Variants in PCDHGA7 observed in about 807,000 individuals in gnomAD.
PCDHGA7 encodes protocadherin gamma subfamily A, 7.
A neutral mutation model predicts 58.3 loss-of-function variants in PCDHGA7; 44 were observed. That is an observed-to-expected ratio of 0.75 (90% CI 0.59 to 0.97). PCDHGA7 has a LOEUF of 0.97. Among genes scored for constraint, PCDHGA7 ranks in the 50% least tolerant of loss-of-function variants. The probability of loss-of-function intolerance (pLI) is 0.00; values close to 1 mark genes in which losing one functional copy is unlikely to be tolerated. For synonymous variants in PCDHGA7, 516 were observed against 504.2 expected (o/e 1.02, Z -0.31); for missense variants, 1,266 against 1,188.7 (o/e 1.06, Z -0.96).
At position 141,493,666 on chromosome 5, in the gene PCDHGA7, C is replaced by T. The variant is rs1475584876; in HGVS notation, c.2425-1141C>T. On this transcript the variant is annotated intron_variant, in intron 1 of 3. Transcript: ENST00000518325. The surrounding 1 kb of genome is among the most constrained non-coding windows in gnomAD (Gnocchi z 4.3). ...GCCATCCCTGTGCCCTTCTCCATGG[C>T]AGCCCCAGAATGGTGCTGGTGACTC... 6.6e-6 allele frequency among the ~76,000 whole-genome samples: 1 copy of T among 152,176 alleles called. No individual in the cohort carries two copies. The highest frequency in any genetic ancestry group is 1.5e-5 in the Non-Finnish European group (1 of 68,028).
chr5:141,392,946 G>A, intron 1 of PCDHGA7: 2 of 1,613,940 alleles, frequency 1.2e-6, no homozygotes, highest in Non-Finnish European at 1.7e-6. Context: ...AGGCTCCTTC[G>A]TGGGTAATAT....
rs146615755 is a variant in PCDHGA7 at position 141,486,022 on chromosome 5, T to C, written c.2425-8785T>C. The C allele has an allele frequency of 1.2e-6, 2 of 1,614,030 alleles. No homozygotes were observed. Among genetic ancestry groups the C allele is most frequent in the Non-Finnish European group, 1.7e-6 (2 of 1,180,036 alleles). Reference sequence around the variant, plus strand: ...GTAACGTCACCTTTTATTTCAGTGGTCATACCCCTGATCGTGTAAGAAACC... The same window carrying C: ...GTAACGTCACCTTTTATTTCAGTGGCCATACCCCTGATCGTGTAAGAAACC... On this transcript the variant is annotated intron_variant, in intron 1 of 3. Coordinates refer to ENST00000518325, the MANE Select transcript of PCDHGA7 (RefSeq NM_018920.4). The surrounding 1 kb of genome is among the most constrained non-coding windows in gnomAD (Gnocchi z 5.0).
chr5:141,409,217 G>T (rs1394491727), intron 1 of PCDHGA7: 3 of 1,613,852 alleles, frequency 1.9e-6, no homozygotes, highest in Non-Finnish European at 2.5e-6. Flanking sequence ...AGAAATCCTT[G>T]ATGAAAACGA....
In PCDHGA7 at chr5:141,385,018, T is replaced by TTCGTCC; in HGVS notation, c.2124_2129dup (p.Val710_Leu711dup). 1 of 1,614,144 alleles carries TTCGTCC rather than the reference T, an allele frequency of 6.2e-7. No individual in the cohort carries two copies. Among genetic ancestry groups the TTCGTCC allele is most frequent in the Non-Finnish European group, 8.5e-7 (1 of 1,180,040 alleles). Reference sequence around the variant, plus strand: ...CACAGTCTCCTGCGTCTTCCTAGCCTTCGTCCTCGTACTGCTGGCGCTCAG... The same window carrying TTCGTCC: ...CACAGTCTCCTGCGTCTTCCTAGCCTTCGTCCTCGTCCTCGTACTGCTGGCGCTCAG... On this transcript the variant is annotated inframe_insertion, in exon 1 of 4. Transcript: ENST00000518325.
chr5:141,460,795 G>GTA (rs2154567069), intron 1 of PCDHGA7, among the ~76,000 whole-genome samples: 1 of 151,608 alleles, frequency 6.6e-6, no homozygotes, highest in East Asian at 1.9e-4. Flanking sequence ...TACACACAAA[G>GTA]TATATATATG....
Position 141,511,208 on chromosome 5 carries a change from C to T in PCDHGA7, c.*35C>T, listed in dbSNP as rs1278180818. 27 of 1,610,922 alleles carry T rather than the reference C, an allele frequency of 1.7e-5. No individual in the cohort carries two copies. Among genetic ancestry groups the T allele is most frequent in the Non-Finnish European group, 2.3e-5 (27 of 1,178,572 alleles). ...CAGGCCAAGAGCCACAGGGCGGCCT[C>T]TCCCCAACCAGCCCAGCTTCTCCTT... On this transcript the variant is annotated 3_prime_UTR_variant, in exon 4 of 4. Coordinates refer to ENST00000518325, the MANE Select transcript of PCDHGA7 (RefSeq NM_018920.4).
chr5:141,418,606 T>A (rs1279991875), intron 1 of PCDHGA7: 1 of 1,614,030 alleles, frequency 6.2e-7, no homozygotes. Context: ...TGTACAGGGT[T>A]AGCCTTCGGG....
rs1424221139 is a variant in PCDHGA7, at chr5:141,491,867, T to G, written c.2425-2940T>G. On this transcript the variant is annotated intron_variant, in intron 1 of 3. Coordinates refer to ENST00000518325, the MANE Select transcript of PCDHGA7 (RefSeq NM_018920.4). The surrounding 1 kb of genome is among the most constrained non-coding windows in gnomAD (Gnocchi z 6.9). ...TTGGACCGTTTGCGCGAAACCAGAG[T>G]GGCCGATTAAGGGATGGGGCTCCGA... 2 of 1,452,218 alleles carry G rather than the reference T, an allele frequency of 1.4e-6. No homozygotes were observed. The highest frequency in any genetic ancestry group is 1.8e-6 in the Non-Finnish European group (2 of 1,099,056). 90.0% of individuals were successfully genotyped at this position (1,452,218 alleles called of 1,614,324 possible).
chr5:141,408,446 G>C (rs371079756), intron 1 of PCDHGA7: 180 of 1,613,946 alleles, frequency 1.1e-4, no homozygotes, highest in Non-Finnish European at 1.5e-4. Context: ...CGCGGAGAGC[G>C]GGGACTTACT....
Position 141,429,458 on chromosome 5 carries a change from T to C in PCDHGA7, c.2424+44135T>C, listed in dbSNP as rs561407449. 1.6e-4 allele frequency among the ~76,000 whole-genome samples: 25 copies of C among 152,210 alleles called. 1 individual carries two copies. The South Asian group carries it at 4.6e-3, about 28-fold the overall frequency. ...TCAAACTCTTGGGCTACAGTAATCC[T>C]CCCACCTCAATCTCCAGAGTAGCTG... On this transcript the variant is annotated intron_variant, in intron 1 of 3. Transcript: ENST00000518325.
chr5:141,438,586 A>G (rs949534736), intron 1 of PCDHGA7, among the ~76,000 whole-genome samples: 2 of 56,254 alleles, frequency 3.6e-5, no homozygotes, highest in South Asian at 6.2e-4. Context: ...ATACATACAT[A>G]CATACATATA....
rs768648952 is a variant in PCDHGA7, at chr5:141,477,230, G to T, written c.2425-17577G>T. 14 of 1,614,046 alleles carry T rather than the reference G, an allele frequency of 8.7e-6. No homozygotes were observed. The highest frequency in any genetic ancestry group is 4.0e-5 in the African/African-American group (3 of 74,916). On this transcript the variant is annotated intron_variant, in intron 1 of 3. Transcript: ENST00000518325. The surrounding 1 kb of genome is among the most constrained non-coding windows in gnomAD (Gnocchi z 4.9). Reference sequence around the variant, plus strand: ...GGATGCCCCTCTGGGGACTGTCATCGCTTTGCTCAGTGTGACTGACCTGGA... The same window carrying T: ...GGATGCCCCTCTGGGGACTGTCATCTCTTTGCTCAGTGTGACTGACCTGGA...
chr5:141,462,161 T>G (rs1592764918), intron 1 of PCDHGA7, among the ~76,000 whole-genome samples: 1 of 152,148 alleles, frequency 6.6e-6, no homozygotes, highest in Non-Finnish European at 1.5e-5. Flanking sequence ...GGTTTCATCA[T>G]GTTGGCCAGG....
chr5:141,466,819 C>A (rs2099130454), intron 1 of PCDHGA7, among the ~76,000 whole-genome samples: 1 of 152,068 alleles, frequency 6.6e-6, no homozygotes, highest in Non-Finnish European at 1.5e-5. Context: ...CATGGTATAA[C>A]AAGTTAGTAT....
rs373297942 is a variant in PCDHGA7 at position 141,431,494 on chromosome 5, C to G, written c.2424+46171C>G. ...ACAACGCACCAGCGTTTGCTCAGCCCGAGTACCGCGCGAGCGTTCCGGAGA... is the reference window on the plus strand; with the variant it reads ...ACAACGCACCAGCGTTTGCTCAGCCGGAGTACCGCGCGAGCGTTCCGGAGA... On this transcript the variant is annotated intron_variant, in intron 1 of 3. Transcript: ENST00000518325. This position sits in a 1 kb window ranked among gnomAD's most constrained non-coding sequence, Gnocchi z 4.8. 16 of 1,613,838 alleles carry G rather than the reference C, an allele frequency of 9.9e-6. No individual in the cohort carries two copies. The highest frequency in any genetic ancestry group is 1.4e-5 in the Non-Finnish European group (16 of 1,180,030).
intron 1 of PCDHGA7, among the ~76,000 whole-genome samples, chr5:141,402,245 A>G (rs1196349685): frequency 6.6e-6 from 1 of 152,078 alleles, no homozygotes; most frequent in East Asian, 1.9e-4. Flanking sequence ...TTTATCATCA[A>G]AATAAACCCC....
intron 1 of PCDHGA7, chr5:141,405,303 G>C: frequency 1.2e-6 from 2 of 1,614,230 alleles, no homozygotes; most frequent in African/African-American, 1.3e-5. Context: ...AGCCAGCAGA[G>C]CTGTGAGAAA....
At chr5:141,463,653 G>T (rs1378583183) in intron 1 of PCDHGA7, among the ~76,000 whole-genome samples, 1 of 151,764 alleles carries the variant, frequency 6.6e-6, no homozygotes. Context: ...GGGTTTCACC[G>T]TGTTAGCCAG....
At chr5:141,390,207 C>T in intron 1 of PCDHGA7, 1 of 1,614,028 alleles carries the variant, frequency 6.2e-7, no homozygotes, top group Non-Finnish European at 8.5e-7. Flanking sequence ...GAGTTCAGGA[C>T]AAGACATACT....
Sources: allele counts gnomAD v4.1 joint callset (sites outside exome capture counted in the v4.1 genomes callset), GRCh38; gene constraint gnomAD v4.1.1; non-coding constraint Gnocchi (gnomAD v3.1); transcripts MANE v1.5; gene names NCBI Gene and HGNC (gene_info 2026-07-23, HGNC 2026-07-21).